Variants in NHSL3 observed in about 807,000 individuals in gnomAD.
NHSL3 encodes the protein NHS like 3.
the NHSL3 span, chr1:32,772,804 C>G: frequency 2.0e-6 from 3 of 1,524,640 alleles, no homozygotes; most frequent in Admixed American, 3.3e-5. Flanking sequence ...TTGTTGGGCT[C>G]CTAGTGCCAG....
chr1:32,742,223 G>A, the NHSL3 span: 1 of 1,241,050 alleles, frequency 8.1e-7, no homozygotes. Context: ...GAGCGCGGGG[G>A]GGCGTCGAGG....
At chr1:32,771,514 G>A in the NHSL3 span, 2 of 1,594,942 alleles carry the variant, frequency 1.3e-6, no homozygotes, top group Non-Finnish European at 1.7e-6. Context: ...TGCCCCTGAG[G>A]AGCAGGACCT....
At chr1:32,747,160 T>C in the NHSL3 span, among the ~76,000 whole-genome samples, 2 of 151,944 alleles carry the variant, frequency 1.3e-5, no homozygotes, top group Non-Finnish European at 2.9e-5. Flanking sequence ...AGACATGCCC[T>C]GTCTTGACAA....
At chr1:32,745,964 C>G in the NHSL3 span, among the ~76,000 whole-genome samples, 1 of 152,090 alleles carries the variant, frequency 6.6e-6, no homozygotes, top group Non-Finnish European at 1.5e-5. Flanking sequence ...GGCACGGTGG[C>G]TCACGCCTGT....
chr1:32,752,932 CACACACACACACACACACATATAT>C, the NHSL3 span, among the ~76,000 whole-genome samples: 88 of 15,004 alleles, frequency 5.9e-3, 3 homozygotes, highest in African/African-American at 0.015. Context: ...CACACACACA[CACACACACACACACACACATATAT>C]ATATATATAT....
At chr1:32,768,875 T>A in the NHSL3 span, 1 of 1,403,742 alleles carries the variant, frequency 7.1e-7, no homozygotes, top group Non-Finnish European at 9.7e-7. Flanking sequence ...GGCTCTCTGA[T>A]TCAATGAATT....
chr1:32,768,530 G>A, the NHSL3 span: 1 of 1,151,050 alleles, frequency 8.7e-7, no homozygotes, highest in Non-Finnish European at 1.2e-6. Context: ...GGGAGGCGGA[G>A]GTTGTGGTGA....
the NHSL3 span, among the ~76,000 whole-genome samples, chr1:32,759,159 G>A: frequency 6.6e-6 from 1 of 152,096 alleles, no homozygotes; most frequent in Admixed American, 6.5e-5. Flanking sequence ...TGGGGTCAGG[G>A]TTTACACTAG....
chr1:32,767,884 C>T, the NHSL3 span: 1 of 1,614,094 alleles, frequency 6.2e-7, no homozygotes, highest in Non-Finnish European at 8.5e-7. Context: ...TCTTCTTTCC[C>T]AGTGGGCGAC....
At chr1:32,764,021 G>T in the NHSL3 span, among the ~76,000 whole-genome samples, 2 of 152,096 alleles carry the variant, frequency 1.3e-5, no homozygotes, top group African/African-American at 4.8e-5. Flanking sequence ...CACCACGCCT[G>T]GGTAATTTTC....
the NHSL3 span, among the ~76,000 whole-genome samples, chr1:32,761,552 C>T: frequency 5.6e-3 from 849 of 152,258 alleles, 3 homozygotes; most frequent in Non-Finnish European, 8.8e-3. Context: ...GATGACTGTC[C>T]TGTGTGGTGA....
chr1:32,772,525 T>C, the NHSL3 span: 6 of 1,481,024 alleles, frequency 4.1e-6, no homozygotes. Context: ...GGATTTGTTC[T>C]TGGATCTTTA....
the NHSL3 span, chr1:32,774,515 T>G: frequency 2.6e-5 from 4 of 152,274 alleles, no homozygotes; most frequent in African/African-American, 9.7e-5. Flanking sequence ...GAGCTCCTGA[T>G]CTACCCCACC....
the NHSL3 span, among the ~76,000 whole-genome samples, chr1:32,751,323 T>C: frequency 3.3e-5 from 5 of 152,188 alleles, no homozygotes; most frequent in Non-Finnish European, 7.3e-5. Flanking sequence ...CTATCATCAC[T>C]ACCTCCGTCA....
At chr1:32,754,281 TG>T in the NHSL3 span, 31 of 591,720 alleles carry the variant, frequency 5.2e-5, no homozygotes, top group South Asian at 1.9e-4. Context: ...GGTGTGAGTG[TG>T]GGGGGGTCGG....
chr1:32,747,740 A>C, the NHSL3 span, among the ~76,000 whole-genome samples: 2 of 152,010 alleles, frequency 1.3e-5, no homozygotes, highest in Admixed American at 1.3e-4. Flanking sequence ...AGACAGGTGG[A>C]TCACTTGAGG....
the NHSL3 span, chr1:32,774,652 T>A: frequency 6.6e-6 from 1 of 152,612 alleles, no homozygotes; most frequent in East Asian, 1.9e-4. Context: ...ACTGGAACTC[T>A]ATCCTGTTAG....
the NHSL3 span, chr1:32,772,587 G>A: frequency 1.4e-5 from 19 of 1,357,732 alleles, no homozygotes; most frequent in African/African-American, 2.6e-4. Context: ...CCCTTGCTGG[G>A]GCCCAGAGGA....
the NHSL3 span, chr1:32,768,593 A>C: frequency 5.4e-4 from 862 of 1,591,088 alleles, 9 homozygotes; most frequent in African/African-American, 0.011. Flanking sequence ...CTCAAAAAAA[A>C]GTTCCAATGG....
Sources: allele counts gnomAD v4.1 joint callset (sites outside exome capture counted in the v4.1 genomes callset), GRCh38; gene constraint gnomAD v4.1.1; transcripts MANE v1.5; gene names NCBI Gene and HGNC (gene_info 2026-07-23, HGNC 2026-07-21).